The following CLCNKA variants were observed in gnomAD, a reference collection of about 807,000 sequenced individuals.
CLCNKA encodes the protein chloride voltage-gated channel Ka, also known as chloride channel protein ClC-Ka.
CLCNKA carries 66 observed loss-of-function variants against 83.3 expected under a neutral mutation model. The ratio of observed to expected loss-of-function variants is 0.79; its 90% confidence interval spans 0.65 to 0.97. The LOEUF is 0.97. Ranked by LOEUF, CLCNKA falls within the 50% of genes least tolerant of loss-of-function variation. The probability of loss-of-function intolerance (pLI) is 0.00; values close to 1 mark genes in which losing one functional copy is unlikely to be tolerated. For synonymous variants in CLCNKA, 357 were observed against 370.4 expected, an observed-to-expected ratio of 0.96 and a Z score of 0.42; for missense variants, 806 against 888.7, an observed-to-expected ratio of 0.91 and a Z score of 1.18.
chr1:16,028,143 G>C (rs1366725651), intron 10 of CLCNKA, 24 bp downstream of exon 10: 2 of 1,605,674 alleles, frequency 1.2e-6, no homozygotes, highest in Non-Finnish European at 1.7e-6. Flanking sequence ...TAGGGGCTGG[G>C]GACATCTCAG....
At chr1:16,026,923 C>G (rs536145529) in intron 7 of CLCNKA, 148 bp downstream of exon 7, 2 of 1,084,228 alleles carry the variant, frequency 1.8e-6, no homozygotes, top group Non-Finnish European at 1.4e-6. Context: ...TAGCCACCCC[C>G]CGGGGGCGGC....
intron 4 of CLCNKA, among the ~76,000 whole-genome samples, chr1:16,025,323 C>G (rs958613362): frequency 6.6e-6 from 1 of 152,216 alleles, no homozygotes; most frequent in Non-Finnish European, 1.5e-5. Context: ...CTCTCTGACT[C>G]TAGCATCCAA....
chr1:16,032,677 C>A, intron 18 of CLCNKA, 151 bp downstream of exon 18: 1 of 681,164 alleles, frequency 1.5e-6, no homozygotes, highest in Non-Finnish European at 2.7e-6. Flanking sequence ...GCAGCTCCTG[C>A]CGTCGCCCCT....
At chr1:16,030,768 A>T in intron 15 of CLCNKA, 94 bp downstream of exon 15, 14 of 1,521,598 alleles carry the variant, frequency 9.2e-6, no homozygotes, top group Non-Finnish European at 1.2e-5. Context: ...ACACCACCGC[A>T]GCTGACCTCC....
rs200100640 is a variant in CLCNKA, at chr1:16,032,313, G to A, written c.1845+22G>A. The A allele has an allele frequency of 4.3e-3, 6,679 of 1,555,708 alleles. 28 individuals carry two copies. The highest frequency in any genetic ancestry group is 0.014 in the Middle Eastern group (79 of 5,636). ...CCAGGTGGTTACTCCTGAGGGGCGT[G>A]GGGATGGGGCGGGGGTGGGTCAGCA... On this transcript the variant is annotated intron_variant, in intron 17 of 19. Transcript: ENST00000331433.
Position 16,029,721 on chromosome 1 carries a change from C to T in CLCNKA, c.1228-10C>T, listed in dbSNP as rs1446484682. On this transcript the variant is annotated splice_polypyrimidine_tract_variant and intron_variant, in intron 12 of 19. Coordinates refer to ENST00000331433, the MANE Select transcript of CLCNKA (RefSeq NM_004070.4). Reference sequence around the variant, plus strand: ...CTCTAACCTCTGCCCTGGGCTCCCCCTTCCTGCAGTTCTGGATGCTGATTC... The same window carrying T: ...CTCTAACCTCTGCCCTGGGCTCCCCTTTCCTGCAGTTCTGGATGCTGATTC... The T allele has an allele frequency of 3.7e-6, 6 of 1,614,160 alleles. No homozygotes were observed. The East Asian group carries it at 1.3e-4, about 36-fold the overall frequency.
intron 9 of CLCNKA, 52 bp downstream of exon 9, chr1:16,027,957 C>T: frequency 6.2e-7 from 1 of 1,614,030 alleles, no homozygotes; most frequent in East Asian, 2.2e-5. Flanking sequence ...CCCCCCAAGG[C>T]CTGGACTGCG....
rs753913932 is a variant in CLCNKA, at chr1:16,029,311, G to A, written c.1227+12G>A. 2.8e-5 allele frequency: 45 copies of A among 1,613,536 alleles called. 2 individuals are homozygous for A. The South Asian group carries it at 4.9e-4, about 18-fold the overall frequency. ...TCCTGGTTATGAAGGTGGGCCCCCT[G>A]ACCCCCAGGTGTGCACAGAGCCAGG... On this transcript the variant is annotated intron_variant, in intron 12 of 19. Transcript: ENST00000331433.
chr1:16,028,033 C>A lies in CLCNKA; in HGVS notation c.882C>A (p.Val294=), dbSNP rs1482729227. The A allele has an allele frequency of 1.2e-6, 2 of 1,613,786 alleles. No homozygotes were observed. Among genetic ancestry groups the A allele is most frequent in the Non-Finnish European group, 1.7e-6 (2 of 1,179,868 alleles). ...CACCCCGCAGTGGCATCTGCGGCGT[C>A]CTGAGCTGTGCTTACCTCTTCTGTC... The part of the protein sequence containing the change: ...FFVALGGICG[V]LSCAYLFCQR... Residue 294 remains valine (V), a synonymous_variant, in exon 10 of 20, where the codon GTC becomes GTA. Transcript: ENST00000331433.
chr1:16,022,479 C>T, intron 1 of CLCNKA, 134 bp from the exon 2 acceptor site: 1 of 628,624 alleles, frequency 1.6e-6, no homozygotes, highest in Non-Finnish European at 2.7e-6. Flanking sequence ...ACACACAGAC[C>T]TAGTGTGATA....
intron 10 of CLCNKA, 70 bp from the exon 11 acceptor site, chr1:16,028,691 G>C: frequency 1.3e-6 from 2 of 1,576,636 alleles, no homozygotes; most frequent in Non-Finnish European, 1.7e-6. Flanking sequence ...GCCTGGACCA[G>C]GTCCTACTTC....
At chr1:16,026,273 A>G (rs1338221868) in intron 5 of CLCNKA, 26 bp downstream of exon 5, 9 of 1,612,346 alleles carry the variant, frequency 5.6e-6, no homozygotes, top group Non-Finnish European at 7.6e-6. Context: ...AGGGCACCCC[A>G]GCCACCCCGC....
At chr1:16,023,730 G>C in intron 2 of CLCNKA, 70 bp from the exon 3 acceptor site, 1 of 1,591,530 alleles carries the variant, frequency 6.3e-7, no homozygotes, top group Middle Eastern at 1.7e-4. Context: ...GAGCCAAGCA[G>C]ACCTCCAGGG....
At chr1:16,023,726 A>G (rs2022230778) in intron 2 of CLCNKA, 74 bp from the exon 3 acceptor site, 1 of 1,581,414 alleles carries the variant, frequency 6.3e-7, no homozygotes, top group South Asian at 1.1e-5. Context: ...CCTGGAGCCA[A>G]GCAGACCTCC....
At position 16,026,089 on chromosome 1, in the gene CLCNKA, C is replaced by T. The variant is rs374344476; in HGVS notation, c.359-19C>T. The T allele has an allele frequency of 1.2e-5, 20 of 1,612,084 alleles. No homozygotes were observed. Among genetic ancestry groups the T allele is most frequent in the African/African-American group, 2.7e-5 (2 of 74,858 alleles). The stretch of plus-strand genomic sequence containing the variant: ...ATCTAGAGATTGTCCCCTGCTTGTT[C>T]CTGTCCTGTCTGGCTAAGGTTCTGG... On this transcript the variant is annotated intron_variant, in intron 4 of 19. Transcript: ENST00000331433.
intron 7 of CLCNKA, 149 bp downstream of exon 7, chr1:16,026,924 C>G: frequency 2.9e-6 from 3 of 1,034,904 alleles, no homozygotes; most frequent in Non-Finnish European, 2.9e-6. Flanking sequence ...AGCCACCCCC[C>G]GGGGGCGGCG....
At chr1:16,023,448 C>T (rs1399486207) in intron 2 of CLCNKA, among the ~76,000 whole-genome samples, 2 of 152,226 alleles carry the variant, frequency 1.3e-5, no homozygotes, top group Non-Finnish European at 2.9e-5. Flanking sequence ...GGTCAAAGGC[C>T]TTCTGGCAGG....
Position 16,023,862 on chromosome 1 carries a change from A to G in CLCNKA, c.163A>G (p.Thr55Ala). 6.2e-7 allele frequency: 1 copy of G among 1,614,096 alleles called. No homozygotes were observed. Among genetic ancestry groups the G allele is most frequent in the South Asian group, 1.1e-5 (1 of 91,068 alleles). Residue 55 changes from threonine to alanine, a missense_variant, in exon 3 of 20, where the codon ACC (threonine) becomes GCC (alanine). Thr to Ala is a moderately conservative substitution (Grantham distance 58). Coordinates refer to ENST00000331433, the MANE Select transcript of CLCNKA (RefSeq NM_004070.4). ...RLGEDWYFLM[T>A]LGVLMALVSY... The stretch of plus-strand genomic sequence containing the variant: ...GGGAGAAGACTGGTACTTCCTGATG[A>G]CCCTCGGGGTGCTCATGGCCCTGGT...
intron 19 of CLCNKA, among the ~76,000 whole-genome samples, 172 bp downstream of exon 19, chr1:16,033,428 C>G (rs1368750891): frequency 1.3e-5 from 2 of 152,154 alleles, no homozygotes; most frequent in African/African-American, 4.8e-5. Context: ...GGCTCCCCTA[C>G]CTTGTTTTCT....
Sources: allele counts gnomAD v4.1 joint callset (sites outside exome capture counted in the v4.1 genomes callset), GRCh38; gene constraint gnomAD v4.1.1; transcripts MANE v1.5; gene names NCBI Gene and HGNC (gene_info 2026-07-23, HGNC 2026-07-21).